SNX5: variants seen among roughly 807,000 people sequenced by gnomAD.
The protein encoded by SNX5 is sorting nexin 5, also known as sorting nexin-5.
In SNX5, 31 loss-of-function variants were observed where a neutral mutation model predicts 53.9. The observed-to-expected ratio is 0.58, with a 90% confidence interval of 0.43 to 0.78. The LOEUF is 0.78. Among genes scored for constraint, SNX5 ranks in the 30% least tolerant of loss-of-function variants. The pLI, the probability that SNX5 is intolerant of heterozygous loss-of-function variation, is 0.00. For synonymous variants in SNX5, 168 were observed against 171.1 expected (o/e 0.98, Z 0.14); for missense variants, 471 against 478.8 (o/e 0.98, Z 0.15).
chr20:17,943,259 C>T, intron 11 of SNX5, 64 bp from the exon 12 acceptor site: 1 of 1,044,364 alleles, frequency 9.6e-7, no homozygotes, highest in Non-Finnish European at 1.5e-6. Context: ...TTCACTTTAA[C>T]TACCAAATGG....
chr20:17,965,426 C>G (rs2035521797), intron 1 of SNX5, among the ~76,000 whole-genome samples: 1 of 152,194 alleles, frequency 6.6e-6, no homozygotes, highest in Admixed American at 6.5e-5. Flanking sequence ...ATCTAGAAAA[C>G]TTAACAGCCT....
At chr20:17,949,818 T>C (rs1008512690) in intron 8 of SNX5, among the ~76,000 whole-genome samples, 5 of 152,132 alleles carry the variant, frequency 3.3e-5, no homozygotes, top group African/African-American at 4.8e-5. Context: ...CAAGCACCAA[T>C]TGCCAGGGGA....
intron 3 of SNX5, 44 bp from the exon 4 acceptor site, chr20:17,954,161 G>A (rs773967802): frequency 8.7e-6 from 14 of 1,607,250 alleles, no homozygotes; most frequent in Admixed American, 6.8e-5. Flanking sequence ...TCCCAGCAGC[G>A]ATGTTTTCTA....
chr20:17,963,131 TC>T (rs1372069096), intron 1 of SNX5, among the ~76,000 whole-genome samples: 3 of 152,294 alleles, frequency 2.0e-5, no homozygotes, highest in South Asian at 4.1e-4. Flanking sequence ...GGCAGATAAA[TC>T]CTACTGGGAA....
At chr20:17,942,923 A>C (rs1484706644) in intron 12 of SNX5, 187 bp downstream of exon 12, 4 of 535,646 alleles carry the variant, frequency 7.5e-6, no homozygotes, top group Non-Finnish European at 1.3e-5. Flanking sequence ...GTTGCTAAAA[A>C]TTAGTCATGG....
chr20:17,967,810 G>C, intron 1 of SNX5: 1 of 364,036 alleles, frequency 2.7e-6, no homozygotes, highest in Non-Finnish European at 4.9e-6. Context: ...TAGACACCAA[G>C]TTCAGCAAGT....
At chr20:17,944,257 G>T (rs1292451292) in intron 11 of SNX5, 1 of 152,016 alleles carries the variant, frequency 6.6e-6, no homozygotes, top group African/African-American at 2.4e-5. Context: ...TAAATTTTGA[G>T]ATCTACTGCA....
intron 6 of SNX5, 61 bp from the exon 7 acceptor site, chr20:17,950,457 ACATTT>A (rs1344911412): frequency 2.2e-6 from 2 of 903,954 alleles, no homozygotes; most frequent in Non-Finnish European, 3.5e-6. Context: ...GCAGCCTTTT[ACATTT>A]ATCAATATAA....
chr20:17,956,660 A>G (rs2035359912), intron 2 of SNX5, among the ~76,000 whole-genome samples: 2 of 135,408 alleles, frequency 1.5e-5, no homozygotes, highest in Non-Finnish European at 3.1e-5. Context: ...GGGCAACACA[A>G]TGAGACTGTC....
chr20:17,967,940 C>CA (rs567695305), intron 1 of SNX5: 328 of 394,524 alleles, frequency 8.3e-4, no homozygotes, highest in African/African-American at 6.1e-3. Context: ...GCCCCCCCCC[C>CA]AAAAAAGTCT....
rs143199065 is a variant in SNX5, at chr20:17,950,064, T to A, written c.791+68A>T. ...GGACCATGTAGTCACTACTCATTTA[T>A]GCTTTTAATTACACCACTCGGCACT... is the stretch of plus-strand genomic sequence containing the variant. On this transcript the variant is annotated intron_variant, in intron 8 of 12. Transcript: ENST00000377759. 8.8e-4 allele frequency: 1,214 copies of A among 1,371,924 alleles called. 3 individuals are homozygous for A. In the African/African-American group the frequency reaches 0.014, roughly 16 times the overall value. 85.0% of individuals were successfully genotyped at this position (1,371,924 alleles called of 1,614,324 possible).
chr20:17,954,128 G>A lies in SNX5; in HGVS notation c.268-11C>T. 1 of 1,612,838 alleles carries A rather than the reference G, an allele frequency of 6.2e-7. No individual in the cohort carries two copies. Among genetic ancestry groups the A allele is most frequent in the Non-Finnish European group, 8.5e-7 (1 of 1,179,404 alleles). On this transcript the variant is annotated splice_polypyrimidine_tract_variant and intron_variant, in intron 3 of 12. Coordinates refer to ENST00000377759, the MANE Select transcript of SNX5 (RefSeq NM_014426.4). ...AGGAGCAGGTGGAATCTGCAGCAGAGGCAGGAACTCATGAGCCTCTTGTCC... is the reference window on the plus strand; with the variant it reads ...AGGAGCAGGTGGAATCTGCAGCAGAAGCAGGAACTCATGAGCCTCTTGTCC...
chr20:17,963,636 G>C (rs997690247), intron 1 of SNX5, among the ~76,000 whole-genome samples: 7 of 152,116 alleles, frequency 4.6e-5, no homozygotes, highest in African/African-American at 1.7e-4. Context: ...GCCAAGGCTG[G>C]AACAAGCCCT....
In SNX5 at chr20:17,956,920, G is replaced by C; in HGVS notation, c.156+13C>G. 1 of 1,331,094 alleles carries C rather than the reference G, an allele frequency of 7.5e-7. No homozygotes were observed. Among genetic ancestry groups the C allele is most frequent in the Non-Finnish European group, 1.1e-6 (1 of 922,958 alleles). The allele number at this position is 1,331,094 out of a possible 1,614,324, so 82.5% of individuals were successfully genotyped here. ...ACCTAGCACTGTATGTATTACCACTGCATGTTACTTACCTTTGTGTGCACT... is the reference window on the plus strand; with the variant it reads ...ACCTAGCACTGTATGTATTACCACTCCATGTTACTTACCTTTGTGTGCACT... On this transcript the variant is annotated intron_variant, in intron 2 of 12. Coordinates refer to ENST00000377759, the MANE Select transcript of SNX5 (RefSeq NM_014426.4).
rs1403617338 is a variant in SNX5 at position 17,950,302 on chromosome 20, C to A, written c.704G>T (p.Arg235Ile). ...DSCVKADKMT[R>I]SHKNVADDYI... ...TAAATGATATTTACTTTTATGAGATCTGGTCATTTTGTCAGCTTTCACACA... is the reference window on the plus strand; with the variant it reads ...TAAATGATATTTACTTTTATGAGATATGGTCATTTTGTCAGCTTTCACACA... Residue 235 changes from arginine (R) to isoleucine (I), a missense_variant, in exon 7 of 13, where the codon AGA (arginine) becomes ATA (isoleucine). Transcript: ENST00000377759. The A allele has an allele frequency of 6.2e-7, 1 of 1,612,416 alleles. No individual in the cohort carries two copies.
At chr20:17,952,204 C>A (rs148453671) in intron 5 of SNX5, among the ~76,000 whole-genome samples, 7 of 152,202 alleles carry the variant, frequency 4.6e-5, no homozygotes, top group Admixed American at 2.0e-4. Context: ...GCCTGGATGA[C>A]AGAGCGAGAT....
chr20:17,954,367 G>A (rs1466719015), intron 3 of SNX5: 3 of 416,452 alleles, frequency 7.2e-6, no homozygotes, highest in African/African-American at 6.2e-5. Context: ...ATAGACAATT[G>A]TTCAGAGCAC....
chr20:17,942,428 GCAGAC>G (rs2039430509), intron 12 of SNX5, 21 bp from the exon 13 acceptor site: 1 of 1,592,990 alleles, frequency 6.3e-7, no homozygotes, highest in South Asian at 1.1e-5. Flanking sequence ...AAAAGGCAAG[GCAGAC>G]CAGTGAATTA....
intron 1 of SNX5, among the ~76,000 whole-genome samples, chr20:17,963,550 C>T (rs1156894011): frequency 2.6e-5 from 4 of 152,196 alleles, no homozygotes; most frequent in Admixed American, 2.6e-4. Flanking sequence ...CCCATCATGG[C>T]TCCCTCCCAA....
Sources: gnomAD v4.1 joint callset for allele counts (sites outside exome capture counted in the v4.1 genomes callset) on GRCh38, gnomAD v4.1.1 for gene constraint, MANE v1.5 for transcripts, NCBI Gene and HGNC (gene_info 2026-07-23, HGNC 2026-07-21) for gene names.